The following INSIG1 variants were observed in gnomAD, a reference collection of about 807,000 sequenced individuals.
INSIG1 encodes the protein insulin-induced gene 1 protein.
Under a neutral mutation model 26.5 loss-of-function variants are expected in INSIG1, and 14 were observed. The ratio of observed to expected loss-of-function variants is 0.53; its 90% CI spans 0.35 to 0.83. The LOEUF (loss-of-function observed/expected upper bound fraction) is 0.83, where lower values mean the gene tolerates loss of function less well. Ranked by LOEUF, INSIG1 falls within the 40% of genes least tolerant of loss-of-function variation. The pLI is 0.01. For synonymous variants in INSIG1, 147 were observed against 153.3 expected, an observed-to-expected ratio of 0.96 and a Z score of 0.30; for missense variants, 272 against 368.9, an observed-to-expected ratio of 0.74 and a Z score of 2.15.
chr7:155,306,510 G>A (rs573386088), intron 5 of INSIG1, among the ~76,000 whole-genome samples: 17 of 152,340 alleles, frequency 1.1e-4, no homozygotes, highest in African/African-American at 3.8e-4. Context: ...TTGATTTGCC[G>A]TTCCTGTTTT....
At chr7:155,301,168 T>C (rs1208279429) in intron 2 of INSIG1, among the ~76,000 whole-genome samples, 1 of 152,238 alleles carries the variant, frequency 6.6e-6, no homozygotes, top group Non-Finnish European at 1.5e-5. Context: ...TGCTAACCTT[T>C]TTATTGTAAG....
At chr7:155,303,128 G>A (rs536753604) in intron 5 of INSIG1, 17 of 292,610 alleles carry the variant, frequency 5.8e-5, no homozygotes, top group Admixed American at 1.3e-4. Flanking sequence ...TGAAATTTCT[G>A]TAGTAAGCAG....
Position 155,308,540 on chromosome 7 carries a change from GC to G in INSIG1, c.*271del, listed in dbSNP as rs1797999553. The G allele has an allele frequency of 2.8e-5, 13 of 459,254 alleles. No homozygotes were observed. The East Asian group carries it at 4.1e-4, about 14-fold the overall frequency. The allele number at this position is 459,254 out of a possible 1,614,324, so 28.4% of individuals were successfully genotyped here. A position where few individuals can be genotyped will look rare whatever the true frequency, so the allele number is the denominator to read the frequency against. ...GCTACGTGGGTTCAGGCAGGTGGCA[GC>G]TTCCCAAGTATTCGATTTCATTCAT... On this transcript the variant is annotated 3_prime_UTR_variant, in exon 6 of 6. Coordinates refer to ENST00000340368, the MANE Select transcript of INSIG1 (RefSeq NM_005542.6).
intron 5 of INSIG1, among the ~76,000 whole-genome samples, chr7:155,304,464 A>G (rs1797881182): frequency 6.6e-6 from 1 of 152,236 alleles, no homozygotes; most frequent in Non-Finnish European, 1.5e-5. Context: ...CCTCAACCAG[A>G]TTGACTAATT....
At chr7:155,303,092 C>T (rs1271131588) in intron 5 of INSIG1, 5 of 361,222 alleles carry the variant, frequency 1.4e-5, no homozygotes, top group Non-Finnish European at 2.6e-5. Context: ...CTTTGAATTG[C>T]AGATGTGGTC....
In INSIG1 at chr7:155,302,817, G is replaced by A; in HGVS notation, c.775G>A (p.Val259Met). The change falls in exon 5 of 6, where the codon GTG becomes ATG. Residue 259 changes from valine (V) to methionine (M), a missense_variant. By Grantham distance (21) the Val-to-Met change is conservative (BLOSUM62 1). Transcript: ENST00000340368. The surrounding 1 kb of genome is among the most constrained non-coding windows in gnomAD (Gnocchi z 4.3). ...PCIFFSGGVT[V>M]GNIGRQLAMG... is the part of the protein sequence containing the mutation. ...TATATTTTTCTCAGGAGGCGTCACG[G>A]TGGGGAACATAGGACGACAGTTAGC... is the stretch of plus-strand genomic sequence containing the variant. The A allele has an allele frequency of 4.3e-6, 7 of 1,611,054 alleles. No homozygotes were observed. The highest frequency in any genetic ancestry group is 5.9e-6 in the Non-Finnish European group (7 of 1,177,258).
rs192867646 is a variant in INSIG1, at chr7:155,302,555, A to T, written c.704+138A>T. The T allele has an allele frequency of 3.0e-4, 320 of 1,057,812 alleles. 2 individuals carry two copies. Among genetic ancestry groups the T allele is most frequent in the South Asian group, 2.9e-3 (161 of 54,926 alleles). 65.5% of individuals were successfully genotyped at this position (1,057,812 alleles called of 1,614,324 possible). A position where few individuals can be genotyped will look rare whatever the true frequency, so the allele number is the denominator to read the frequency against. On this transcript the variant is annotated intron_variant, in intron 4 of 5. Coordinates refer to ENST00000340368, the MANE Select transcript of INSIG1 (RefSeq NM_005542.6). The surrounding 1 kb of genome is among the most constrained non-coding windows in gnomAD (Gnocchi z 4.3). ...AGATTTAGGCATGAAATTCTCAAAA[A>T]TGCTGCTATCCATAACTTAATGTAA...
At chr7:155,307,490 T>G (rs1392550268) in intron 5 of INSIG1, among the ~76,000 whole-genome samples, 2 of 152,214 alleles carry the variant, frequency 1.3e-5, no homozygotes, top group Non-Finnish European at 2.9e-5. Flanking sequence ...GGAAGGTCAT[T>G]TAATCTCTCT....
rs532043899 is a variant in INSIG1, at chr7:155,308,483, C to T, written c.*213C>T. The T allele has an allele frequency of 3.8e-5, 24 of 633,562 alleles. No homozygotes were observed. Among genetic ancestry groups the T allele is most frequent in the African/African-American group, 1.4e-4 (8 of 55,604 alleles). 39.2% of individuals were successfully genotyped at this position (633,562 alleles called of 1,614,324 possible). A position where few individuals can be genotyped will look rare whatever the true frequency, so the allele number is the denominator to read the frequency against. On this transcript the variant is annotated 3_prime_UTR_variant, in exon 6 of 6. Transcript: ENST00000340368. The stretch of plus-strand genomic sequence containing the variant: ...GTCTTCCCTTGACTGCCCGCACTGG[C>T]GCCTGTCTGTGCCCTGGAGCATTCT...
At position 155,302,594 on chromosome 7, in the gene INSIG1, C is replaced by T; in HGVS notation, c.705-153C>T. On this transcript the variant is annotated intron_variant, in intron 4 of 5. Coordinates refer to ENST00000340368, the MANE Select transcript of INSIG1 (RefSeq NM_005542.6). The surrounding 1 kb of genome is among the most constrained non-coding windows in gnomAD (Gnocchi z 4.3). ...AACTTAATGTAACGCAAAGGAAAACCAAGTAGTAGCAGTTACAACCAAACA... is the reference window on the plus strand; with the variant it reads ...AACTTAATGTAACGCAAAGGAAAACTAAGTAGTAGCAGTTACAACCAAACA... The T allele has an allele frequency of 2.2e-6, 2 of 899,092 alleles. No homozygotes were observed. Among genetic ancestry groups the T allele is most frequent in the South Asian group, 3.7e-5 (2 of 54,332 alleles). The allele number at this position is 899,092 out of a possible 1,614,324, so 55.7% of individuals were successfully genotyped here.
chr7:155,300,053 G>A (rs1797743286), intron 2 of INSIG1, among the ~76,000 whole-genome samples: 1 of 152,134 alleles, frequency 6.6e-6, no homozygotes, highest in Admixed American at 6.5e-5. Flanking sequence ...ATCCTCTTTC[G>A]TTTTTCGAAA....
At chr7:155,303,377 C>T (rs933601652) in intron 5 of INSIG1, among the ~76,000 whole-genome samples, 4 of 152,250 alleles carry the variant, frequency 2.6e-5, no homozygotes, top group African/African-American at 9.6e-5. Context: ...GGCAAGGGGA[C>T]AGCCTGGTTC....
chr7:155,308,349 TTTTTC>T lies in INSIG1; in HGVS notation c.*82_*86del. The T allele has an allele frequency of 6.5e-7, 1 of 1,550,106 alleles. No homozygotes were observed. The highest frequency in any genetic ancestry group is 1.1e-5 in the South Asian group (1 of 89,694). The stretch of plus-strand genomic sequence containing the variant: ...CTGTGGATTATGACAAAGATTATCT[TTTTTC>T]TTAAGTAATCTATTTAGATCGGGCT... On this transcript the variant is annotated 3_prime_UTR_variant, in exon 6 of 6. Coordinates refer to ENST00000340368, the MANE Select transcript of INSIG1 (RefSeq NM_005542.6).
At position 155,301,547 on chromosome 7, in the gene INSIG1, G is replaced by A; in HGVS notation, c.413-19G>A. 1 of 1,598,822 alleles carries A rather than the reference G, an allele frequency of 6.3e-7. No individual in the cohort carries two copies. Reference sequence around the variant, plus strand: ...CTTGAATCTGCTGTATTCTAACATTGTCAACTTTTTTAAAACAGCTGTTGT... The same window carrying A: ...CTTGAATCTGCTGTATTCTAACATTATCAACTTTTTTAAAACAGCTGTTGT... On this transcript the variant is annotated intron_variant, in intron 2 of 5. Transcript: ENST00000340368.
intron 2 of INSIG1, among the ~76,000 whole-genome samples, chr7:155,299,827 G>A (rs1360160674): frequency 6.6e-6 from 1 of 152,190 alleles, no homozygotes; most frequent in African/African-American, 2.4e-5. Context: ...GGTAGAAAGG[G>A]GCCAAGCCAT....
In INSIG1 at chr7:155,302,525, G is replaced by T. The variant is rs1797818360; in HGVS notation, c.704+108G>T. ...ATTTTATTTGTTTTTTATATAGAAT[G>T]ATACAGATTTAGGCATGAAATTCTC... On this transcript the variant is annotated intron_variant, in intron 4 of 5. Transcript: ENST00000340368. This position sits in a 1 kb window ranked among gnomAD's most constrained non-coding sequence, Gnocchi z 4.3. The T allele has an allele frequency of 2.5e-5, 30 of 1,205,622 alleles. No homozygotes were observed. Among genetic ancestry groups the T allele is most frequent in the Admixed American group, 2.0e-4 (7 of 34,340 alleles). The allele number at this position is 1,205,622 out of a possible 1,614,324, so 74.7% of individuals were successfully genotyped here. A position where few individuals can be genotyped will look rare whatever the true frequency, so the allele number is the denominator to read the frequency against.
chr7:155,307,475 C>T (rs1359125147), intron 5 of INSIG1, among the ~76,000 whole-genome samples: 1 of 152,200 alleles, frequency 6.6e-6, no homozygotes, highest in Admixed American at 6.5e-5. Flanking sequence ...AGCTCCGTGG[C>T]CTCAGGAAGG....
At chr7:155,305,657 C>T (rs965721907) in intron 5 of INSIG1, among the ~76,000 whole-genome samples, 4 of 152,166 alleles carry the variant, frequency 2.6e-5, no homozygotes, top group African/African-American at 9.7e-5. Context: ...AGTTCAGCAC[C>T]GGGACCAGAC....
In INSIG1 at chr7:155,302,863, T is replaced by C. The variant is rs369310435; in HGVS notation, c.804+17T>C. ...TTAGCTATGGTAAGTGAAATGATCA[T>C]ATTATCTTCTAAAACTTGCGTCTCT... On this transcript the variant is annotated intron_variant, in intron 5 of 5. Coordinates refer to ENST00000340368, the MANE Select transcript of INSIG1 (RefSeq NM_005542.6). The surrounding 1 kb of genome is among the most constrained non-coding windows in gnomAD (Gnocchi z 4.3). The C allele has an allele frequency of 1.3e-5, 19 of 1,503,220 alleles. No individual in the cohort carries two copies. Among genetic ancestry groups the C allele is most frequent in the Admixed American group, 1.7e-5 (1 of 59,618 alleles). The allele number at this position is 1,503,220 out of a possible 1,614,324, so 93.1% of individuals were successfully genotyped here. A position where few individuals can be genotyped will look rare whatever the true frequency, so the allele number is the denominator to read the frequency against.
Sources: allele counts gnomAD v4.1 joint callset (sites outside exome capture counted in the v4.1 genomes callset), GRCh38; gene constraint gnomAD v4.1.1; non-coding constraint Gnocchi (gnomAD v3.1); transcripts MANE v1.5; gene names NCBI Gene and HGNC (gene_info 2026-07-23, HGNC 2026-07-21).